NCK2: variants seen among roughly 807,000 people sequenced by gnomAD.
NCK2 encodes the protein cytoplasmic protein NCK2.
Under a neutral mutation model 33.9 loss-of-function variants are expected in NCK2, and 16 were observed. The observed-to-expected ratio is 0.47, with a 90% CI of 0.32 to 0.72. The LOEUF is 0.72. NCK2 is among the 30% of genes least tolerant of loss of function. The probability of loss-of-function intolerance (pLI) is 0.03; values close to 1 mark genes in which losing one functional copy is unlikely to be tolerated. For missense variants in NCK2, 418 were observed against 537.3 expected (o/e 0.78, Z 2.19); for synonymous variants, 273 against 239.9 (o/e 1.14, Z -1.27).
intron 3 of NCK2, among the ~76,000 whole-genome samples, chr2:105,860,480 C>T (rs768020923): frequency 7.9e-5 from 12 of 152,132 alleles, no homozygotes; most frequent in Admixed American, 2.0e-4. Context: ...AAGCCGTAGG[C>T]GTCTCAGAAT....
chr2:105,851,326 C>T (rs569282718), intron 2 of NCK2, among the ~76,000 whole-genome samples: 7 of 151,002 alleles, frequency 4.6e-5, no homozygotes, highest in Non-Finnish European at 8.8e-5. Flanking sequence ...TGCAGTGGCG[C>T]GATCTCGGCT....
At chr2:105,817,645 A>G (rs573160533) in intron 2 of NCK2, among the ~76,000 whole-genome samples, 19 of 152,340 alleles carry the variant, frequency 1.2e-4, no homozygotes, top group Non-Finnish European at 2.4e-4. Context: ...GCTCAAAAGA[A>G]GACATTTATG....
intron 1 of NCK2, among the ~76,000 whole-genome samples, chr2:105,780,722 G>A (rs923120267): frequency 1.3e-5 from 2 of 152,126 alleles, no homozygotes; most frequent in Non-Finnish European, 1.5e-5. Context: ...AGAGGGGAGC[G>A]CTTGCAAATG....
intron 4 of NCK2, among the ~76,000 whole-genome samples, chr2:105,889,388 G>C (rs1020232838): frequency 9.2e-5 from 14 of 152,146 alleles, no homozygotes; most frequent in African/African-American, 3.4e-4. Context: ...AACATTTGTT[G>C]GTGGCTCCAG....
chr2:105,789,865 G>T (rs894246299), intron 1 of NCK2, among the ~76,000 whole-genome samples: 1 of 152,214 alleles, frequency 6.6e-6, no homozygotes, highest in African/African-American at 2.4e-5. Context: ...TGCTGGTGCT[G>T]GCCAGGGCAC....
intron 1 of NCK2, among the ~76,000 whole-genome samples, chr2:105,753,994 G>A (rs558023995): frequency 1.3e-5 from 2 of 152,290 alleles, no homozygotes; most frequent in African/African-American, 2.4e-5. Context: ...CCAGCTTCTC[G>A]AACCTACCCT....
At chr2:105,782,460 C>G (rs1690532383) in intron 1 of NCK2, among the ~76,000 whole-genome samples, 1 of 152,214 alleles carries the variant, frequency 6.6e-6, no homozygotes, top group Non-Finnish European at 1.5e-5. Context: ...AATGAACGCT[C>G]TTTTCTTAAG....
chr2:105,757,591 A>C (rs1318907445), intron 1 of NCK2, among the ~76,000 whole-genome samples: 4 of 152,210 alleles, frequency 2.6e-5, no homozygotes, highest in African/African-American at 9.6e-5. Context: ...TGGGCCAGGC[A>C]CTGTGCTGGG....
At chr2:105,867,416 C>T (rs1677807222) in intron 3 of NCK2, among the ~76,000 whole-genome samples, 1 of 149,074 alleles carries the variant, frequency 6.7e-6, no homozygotes, top group Non-Finnish European at 1.5e-5. Context: ...GTTGTGGTGC[C>T]AGACACCCCA....
intron 4 of NCK2, among the ~76,000 whole-genome samples, chr2:105,888,828 G>A (rs967040834): frequency 6.6e-6 from 1 of 152,170 alleles, no homozygotes; most frequent in African/African-American, 2.4e-5. Flanking sequence ...GTTCATGTGA[G>A]CAGACTGCCT....
chr2:105,750,747 C>A (rs940956316), intron 1 of NCK2, among the ~76,000 whole-genome samples: 1 of 152,180 alleles, frequency 6.6e-6, no homozygotes, highest in Non-Finnish European at 1.5e-5. Flanking sequence ...TAGGTAGACA[C>A]TTATTTGGGG....
chr2:105,779,776 A>G (rs770356794), intron 1 of NCK2, among the ~76,000 whole-genome samples: 27 of 152,124 alleles, frequency 1.8e-4, no homozygotes, highest in Non-Finnish European at 2.4e-4. Context: ...ATACATATAC[A>G]TAGTAATTCC....
At chr2:105,802,307 T>C (rs1348417242) in intron 1 of NCK2, among the ~76,000 whole-genome samples, 2 of 152,258 alleles carry the variant, frequency 1.3e-5, no homozygotes, top group Admixed American at 6.5e-5. Context: ...GATGGTGCTG[T>C]CTGCAGAGGC....
intron 1 of NCK2, among the ~76,000 whole-genome samples, chr2:105,789,933 C>G (rs965164985): frequency 1.3e-5 from 2 of 152,340 alleles, no homozygotes; most frequent in Admixed American, 6.5e-5. Context: ...TAAATGTTCA[C>G]GAATGGATGT....
At chr2:105,746,643 A>G (rs1244634882) in intron 1 of NCK2, among the ~76,000 whole-genome samples, 1 of 152,208 alleles carries the variant, frequency 6.6e-6, no homozygotes, top group East Asian at 1.9e-4. Flanking sequence ...GTGGAGAAGA[A>G]ATTGACTTCA....
chr2:105,891,154 T>TACTCTCACAC (rs1230078851), intron 4 of NCK2, among the ~76,000 whole-genome samples: 4 of 152,222 alleles, frequency 2.6e-5, no homozygotes, highest in African/African-American at 9.6e-5. Context: ...ACGCTACGCA[T>TACTCTCACAC]ACTCTCACAC....
At chr2:105,775,594 A>G (rs1264315622) in intron 1 of NCK2, among the ~76,000 whole-genome samples, 2 of 152,106 alleles carry the variant, frequency 1.3e-5, no homozygotes, top group Non-Finnish European at 2.9e-5. Context: ...TAAATTGTCT[A>G]CAGCTTCTGC....
Position 105,881,415 on chromosome 2 carries a change from G to T in NCK2, c.314G>T (p.Gly105Val). Residue 105 changes from glycine (G) to valine (V), a missense_variant, in exon 4 of 5, where the codon GGC becomes GTC. By Grantham distance (109) the Gly-to-Val change is moderately radical. Coordinates refer to ENST00000233154, the MANE Select transcript of NCK2 (RefSeq NM_003581.5). ...TDAEYPANGS[G>V]ADRIYDLNIP... ...GCCGAGTACCCCGCCAATGGCAGCG[G>T]CGCCGACCGCATCTACGACCTCAAC... 6.2e-7 allele frequency: 1 copy of T among 1,612,896 alleles called. No homozygotes were observed.
At chr2:105,860,039 C>T (rs1437262610) in intron 3 of NCK2, among the ~76,000 whole-genome samples, 1 of 152,178 alleles carries the variant, frequency 6.6e-6, no homozygotes, top group Non-Finnish European at 1.5e-5. Flanking sequence ...AATCCCAGTG[C>T]TTTGGGAGGC....
Sources: allele counts gnomAD v4.1 joint callset (sites outside exome capture counted in the v4.1 genomes callset), GRCh38; gene constraint gnomAD v4.1.1; transcripts MANE v1.5; gene names NCBI Gene and HGNC (gene_info 2026-07-23, HGNC 2026-07-21).